Variants in PGAP1 observed in about 807,000 individuals in gnomAD.
PGAP1 encodes GPI inositol-deacylase.
In PGAP1, 76 loss-of-function variants were observed where a neutral mutation model predicts 127.0. The observed-to-expected ratio is 0.60, with a 90% confidence interval of 0.50 to 0.72. PGAP1 has a LOEUF of 0.72. Among genes scored for constraint, PGAP1 ranks in the 30% least tolerant of loss-of-function variants. The probability of loss-of-function intolerance (pLI) is 0.00; values close to 1 mark genes in which losing one functional copy is unlikely to be tolerated. For missense variants in PGAP1, 982 were observed against 1,071.3 expected, an observed-to-expected ratio of 0.92 and a Z score of 1.16; for synonymous variants, 362 against 366.5, an observed-to-expected ratio of 0.99 and a Z score of 0.14.
At chr2:196,873,642 A>C in intron 15 of PGAP1, 43 bp downstream of exon 15, 1 of 1,592,778 alleles carries the variant, frequency 6.3e-7, no homozygotes, top group South Asian at 1.1e-5. Flanking sequence ...AGTAAACATT[A>C]AAGTAAAATC....
chr2:196,889,163 TTAATA>T (rs1702017119), intron 10 of PGAP1, among the ~76,000 whole-genome samples: 1 of 152,202 alleles, frequency 6.6e-6, no homozygotes. Flanking sequence ...AGCATTTTTC[TTAATA>T]TAATACTGAC....
intron 20 of PGAP1, among the ~76,000 whole-genome samples, chr2:196,853,388 G>T (rs1576099485): frequency 6.6e-6 from 1 of 152,210 alleles, no homozygotes; most frequent in South Asian, 2.1e-4. Context: ...ATTGTTCCAT[G>T]TAATCAGGAA....
chr2:196,858,197 C>T (rs896085531), intron 20 of PGAP1, among the ~76,000 whole-genome samples: 3 of 151,904 alleles, frequency 2.0e-5, no homozygotes, highest in Admixed American at 6.6e-5. Flanking sequence ...GTCAGGAGAT[C>T]GAGACCATCC....
At chr2:196,844,329 T>TA (rs1162177093) in intron 24 of PGAP1, among the ~76,000 whole-genome samples, 195 bp downstream of exon 24, 1 of 152,040 alleles carries the variant, frequency 6.6e-6, no homozygotes, top group Admixed American at 6.5e-5. Context: ...AATAAACTTG[T>TA]AAAAAAATGA....
chr2:196,882,395 T>C (rs1018156625), intron 12 of PGAP1, among the ~76,000 whole-genome samples: 1 of 152,216 alleles, frequency 6.6e-6, no homozygotes, highest in African/African-American at 2.4e-5. Context: ...AGAATGTCCA[T>C]AGTAGTTTAA....
intron 20 of PGAP1, among the ~76,000 whole-genome samples, chr2:196,852,695 G>T (rs1028379294): frequency 6.6e-6 from 1 of 152,102 alleles, no homozygotes; most frequent in Non-Finnish European, 1.5e-5. Flanking sequence ...GTAAGTAAGA[G>T]AGAGATGTGA....
chr2:196,900,012 T>C (rs549306588), intron 5 of PGAP1, among the ~76,000 whole-genome samples: 1 of 152,356 alleles, frequency 6.6e-6, no homozygotes, highest in South Asian at 2.1e-4. Flanking sequence ...CACTCCAGCC[T>C]GGGCAACAAG....
chr2:196,842,521 G>GA lies in PGAP1; in HGVS notation c.2630+199dup, dbSNP rs200071090. On this transcript the variant is annotated intron_variant, in intron 26 of 26. Coordinates refer to ENST00000354764, the MANE Select transcript of PGAP1 (RefSeq NM_024989.4). ...GTCTTTATAGGGTTAACTTCATAAA[G>GA]AAAAAAAAACTGCATTATATTCTAT... Among the ~76,000 whole-genome samples the GA allele has an allele frequency of 0.015, 2,288 of 148,976 alleles. 24 individuals are homozygous for GA. The highest frequency in any genetic ancestry group is 0.052 in the South Asian group (246 of 4,736).
At position 196,916,479 on chromosome 2, in the gene PGAP1, C is replaced by G; in HGVS notation, c.416G>C (p.Ser139Thr). 1 of 1,613,592 alleles carries G rather than the reference C, an allele frequency of 6.2e-7. No homozygotes were observed. Among genetic ancestry groups the G allele is most frequent in the Non-Finnish European group, 8.5e-7 (1 of 1,179,794 alleles). Residue 139 changes from serine to threonine, a missense_variant, in exon 3 of 27, where the codon AGT (serine) becomes ACT (threonine). Coordinates refer to ENST00000354764, the MANE Select transcript of PGAP1 (RefSeq NM_024989.4). ...NEELVALYGG[S>T]LQKQTKFVHE... ...TACAAACTTGGTCTGCTTCTGAAGA[C>G]TTCCACCATACAAAGCCACCAGTTC... is the stretch of plus-strand genomic sequence containing the variant.
chr2:196,919,388 A>G (rs1020166782), intron 2 of PGAP1, among the ~76,000 whole-genome samples: 2 of 152,232 alleles, frequency 1.3e-5, no homozygotes, highest in Non-Finnish European at 2.9e-5. Context: ...GTCTCATTAC[A>G]TAACAATTCT....
rs1449349864 is a variant in PGAP1 at position 196,870,987 on chromosome 2, A to G, written c.1729-8T>C. On this transcript the variant is annotated splice_region_variant and splice_polypyrimidine_tract_variant and intron_variant, in intron 18 of 26. Coordinates refer to ENST00000354764, the MANE Select transcript of PGAP1 (RefSeq NM_024989.4). ...GGAAGTCTTAACTGTCACCTAGTTT[A>G]AAACAATTATTGAAAAAAAAGGTTA... 3.1e-6 allele frequency: 5 copies of G among 1,595,486 alleles called. No homozygotes were observed. Among genetic ancestry groups the G allele is most frequent in the South Asian group, 2.2e-5 (2 of 90,274 alleles).
intron 19 of PGAP1, among the ~76,000 whole-genome samples, chr2:196,868,035 C>T (rs929913793): frequency 6.6e-6 from 1 of 152,184 alleles, no homozygotes; most frequent in African/African-American, 2.4e-5. Flanking sequence ...AGGAGTCAGA[C>T]TCCTGGATTT....
intron 6 of PGAP1, among the ~76,000 whole-genome samples, chr2:196,897,766 G>GAAATACCAAGTCTCAAA (rs1702335606): frequency 1.3e-5 from 2 of 152,138 alleles, no homozygotes; most frequent in South Asian, 4.1e-4. Context: ...TTTGATATTA[G>GAAATACCAAGTCTCAAA]CTTCATTTGA....
At chr2:196,868,361 G>A (rs1311527947) in intron 19 of PGAP1, among the ~76,000 whole-genome samples, 2 of 152,078 alleles carry the variant, frequency 1.3e-5, no homozygotes, top group African/African-American at 2.4e-5. Context: ...GAGGATCATC[G>A]TTATGAGTAT....
chr2:196,895,195 T>C (rs1421092187), intron 7 of PGAP1, among the ~76,000 whole-genome samples: 5 of 152,230 alleles, frequency 3.3e-5, no homozygotes, highest in African/African-American at 1.2e-4. Flanking sequence ...TTAAAATGCA[T>C]ATTTATACAT....
rs1700163907 is a variant in PGAP1 at position 196,833,924 on chromosome 2, T to C, written c.*7310A>G. 1 of 151,744 alleles carries C rather than the reference T, an allele frequency of 6.6e-6. No individual in the cohort carries two copies. The highest frequency in any genetic ancestry group is 2.4e-5 in the African/African-American group (1 of 41,362). 9.4% of individuals were successfully genotyped at this position (151,744 alleles called of 1,614,324 possible). Reference sequence around the variant, plus strand: ...GTTTTCTCTTGAAGCCTTAAAAATATATAGGAAGAAAAAAGAGAAGGAAAA... The same window carrying C: ...GTTTTCTCTTGAAGCCTTAAAAATACATAGGAAGAAAAAAGAGAAGGAAAA... On this transcript the variant is annotated 3_prime_UTR_variant, in exon 27 of 27. Coordinates refer to ENST00000354764, the MANE Select transcript of PGAP1 (RefSeq NM_024989.4).
At position 196,835,761 on chromosome 2, in the gene PGAP1, A is replaced by G. The variant is rs916745412; in HGVS notation, c.*5473T>C. On this transcript the variant is annotated 3_prime_UTR_variant, in exon 27 of 27. Transcript: ENST00000354764. ...TTTTGCTAACCGTATGGATACAGTC[A>G]CATAGTTTCCAATGCACAGCTTTAT... 1.3e-5 allele frequency: 2 copies of G among 152,474 alleles called. No individual in the cohort carries two copies. Among genetic ancestry groups the G allele is most frequent in the African/African-American group, 4.8e-5 (2 of 41,448 alleles). The allele number at this position is 152,474 out of a possible 1,614,324, so 9.4% of individuals were successfully genotyped here. A position where few individuals can be genotyped will look rare whatever the true frequency, so the allele number is the denominator to read the frequency against.
Position 196,920,004 on chromosome 2 carries a change from A to G in PGAP1, c.294T>C (p.Tyr98=), listed in dbSNP as rs1226022133. 5.0e-6 allele frequency: 8 copies of G among 1,606,132 alleles called. No homozygotes were observed. The highest frequency in any genetic ancestry group is 2.2e-5 in the East Asian group (1 of 44,832). The change falls in exon 2 of 27, where the codon TAT becomes TAC. Residue 98 remains tyrosine, a synonymous_variant. Transcript: ENST00000354764. ...VLFLPGNAGS[Y]KQVRSIGSIA... ...ACTTCCAGTAAGACTTACCTTGCTTATAACTTCCAGCATTACCAGGAAGAA... is the reference window on the plus strand; with the variant it reads ...ACTTCCAGTAAGACTTACCTTGCTTGTAACTTCCAGCATTACCAGGAAGAA...
chr2:196,847,451 A>G (rs561289811), intron 21 of PGAP1: 1 of 252,632 alleles, frequency 4.0e-6, no homozygotes, highest in African/African-American at 2.3e-5. Context: ...GTAGAAAGTA[A>G]TATGTTCTTT....
Sources: gnomAD v4.1 joint callset for allele counts (sites outside exome capture counted in the v4.1 genomes callset) on GRCh38, gnomAD v4.1.1 for gene constraint, MANE v1.5 for transcripts, NCBI Gene and HGNC (gene_info 2026-07-23, HGNC 2026-07-21) for gene names.